Variants in LHFPL1 observed in about 807,000 individuals in gnomAD.
The protein encoded by LHFPL1 is LHFPL tetraspan subfamily member 1 protein.
LHFPL1 carries 4 observed loss-of-function variants against 12.1 expected under a neutral mutation model. The ratio of observed to expected loss-of-function variants is 0.33; its 90% confidence interval spans 0.16 to 0.76. LHFPL1 has a LOEUF of 0.76. Ranked by LOEUF, LHFPL1 falls within the 30% of genes least tolerant of loss-of-function variation. LHFPL1 has a pLI of 0.61. For synonymous variants in LHFPL1, 52 were observed against 61.9 expected, an observed-to-expected ratio of 0.84 and a Z score of 0.75; for missense variants, 141 against 174.1, an observed-to-expected ratio of 0.81 and a Z score of 1.07.
intron 2 of LHFPL1, among the ~76,000 whole-genome samples, chrX:112,670,289 A>G (rs762792590): frequency 2.7e-5 from 3 of 112,658 alleles, no homozygotes; most frequent in Non-Finnish European, 5.6e-5. Flanking sequence ...TTCAAATTAT[A>G]CAGCTGTCAC....
chrX:112,666,199 T>G (rs1931327979), intron 2 of LHFPL1, among the ~76,000 whole-genome samples: 1 of 111,979 alleles, frequency 8.9e-6, no homozygotes, highest in Non-Finnish European at 1.9e-5. Flanking sequence ...GTTAATTTGT[T>G]ATTATAACAA....
intron 1 of LHFPL1, among the ~76,000 whole-genome samples, chrX:112,677,064 C>A (rs1389336700): frequency 1.8e-5 from 2 of 111,641 alleles, no homozygotes; most frequent in Non-Finnish European, 3.8e-5. Flanking sequence ...TGGGCACTTA[C>A]AATGAAGTAT....
At chrX:112,676,909 C>T (rs1912993213) in intron 1 of LHFPL1, among the ~76,000 whole-genome samples, 1 of 111,999 alleles carries the variant, frequency 8.9e-6, no homozygotes, top group Admixed American at 9.4e-5. Context: ...CAAATGAGAG[C>T]CCTTCATCAA....
chrX:112,644,737 C>T (rs1046775452), intron 3 of LHFPL1, among the ~76,000 whole-genome samples: 12 of 111,979 alleles, frequency 1.1e-4, no homozygotes, highest in African/African-American at 3.6e-4. Context: ...CCCTGATACC[C>T]TGGCCATGGT....
chrX:112,666,389 A>T (rs1931334595), intron 2 of LHFPL1, among the ~76,000 whole-genome samples: 1 of 111,337 alleles, frequency 9.0e-6, no homozygotes, highest in South Asian at 3.8e-4. Context: ...TCAAAAGTAG[A>T]TCAGGGAAGG....
intron 1 of LHFPL1, among the ~76,000 whole-genome samples, chrX:112,678,634 T>G (rs929861704): frequency 9.4e-6 from 1 of 106,838 alleles, no homozygotes; most frequent in Non-Finnish European, 1.9e-5. Flanking sequence ...TTCAGAGAAG[T>G]TGAGAGGCAG....
At chrX:112,663,100 C>T (rs1458888022) in intron 2 of LHFPL1, among the ~76,000 whole-genome samples, 2 of 111,337 alleles carry the variant, frequency 1.8e-5, no homozygotes, top group African/African-American at 3.3e-5. Flanking sequence ...ACCCCTGCCC[C>T]TCAGATCTTA....
rs1930177473 is a variant in LHFPL1 at position 112,631,163 on chromosome X, G to A, written c.*257C>T. 3.6e-6 allele frequency: 1 copy of A among 277,427 alleles called. No individual in the cohort carries two copies. The highest frequency in any genetic ancestry group is 2.7e-5 in the African/African-American group (1 of 37,530). The allele number at this position is 277,427 out of a possible 1,213,427, so 22.9% of individuals were successfully genotyped here. On this transcript the variant is annotated 3_prime_UTR_variant, in exon 4 of 4. Transcript: ENST00000371968. ...AGCTTTGGATCCTATTTTGCATAAA[G>A]GGGTACTTTGGGTCTTCGGGTTAGC...
At chrX:112,638,882 AG>A (rs1379544354) in intron 3 of LHFPL1, among the ~76,000 whole-genome samples, 1 of 111,191 alleles carries the variant, frequency 9.0e-6, no homozygotes, top group Non-Finnish European at 1.9e-5. Context: ...AGGGTAAGGG[AG>A]GGGTGGTTGC....
chrX:112,643,395 A>AAG (rs1325328207), intron 3 of LHFPL1, among the ~76,000 whole-genome samples: 1 of 109,156 alleles, frequency 9.2e-6, no homozygotes, highest in African/African-American at 3.3e-5. Context: ...AAAAAAAAAA[A>AAG]AAAAGAAAAA....
chrX:112,665,131 T>C (rs1272755032), intron 2 of LHFPL1, among the ~76,000 whole-genome samples: 1 of 110,090 alleles, frequency 9.1e-6, no homozygotes. Flanking sequence ...CATTGCTAAC[T>C]CCCAGTTTGA....
chrX:112,676,311 T>C (rs1165896131), intron 1 of LHFPL1, among the ~76,000 whole-genome samples: 2 of 112,087 alleles, frequency 1.8e-5, no homozygotes, highest in African/African-American at 6.5e-5. Context: ...TGTTTCCCTG[T>C]CCTGGAATAT....
intron 2 of LHFPL1, among the ~76,000 whole-genome samples, chrX:112,661,026 G>A (rs1931170366): frequency 8.9e-6 from 1 of 112,103 alleles, no homozygotes; most frequent in Admixed American, 9.5e-5. Context: ...ACAAGGCTGG[G>A]TTGGCTTTTC....
intron 2 of LHFPL1, among the ~76,000 whole-genome samples, chrX:112,668,905 G>A (rs1045033679): frequency 4.5e-5 from 5 of 112,229 alleles, no homozygotes; most frequent in African/African-American, 1.6e-4. Context: ...CTGTTGCTAG[G>A]CTTTCTGATT....
intron 3 of LHFPL1, among the ~76,000 whole-genome samples, chrX:112,634,278 G>A (rs764731667): frequency 1.8e-5 from 2 of 110,562 alleles, no homozygotes; most frequent in Non-Finnish European, 3.8e-5. Context: ...TCTCTTACAG[G>A]GCCCTTGACC....
chrX:112,640,531 C>G (rs1930472054), intron 3 of LHFPL1, among the ~76,000 whole-genome samples: 1 of 111,477 alleles, frequency 9.0e-6, no homozygotes, highest in South Asian at 3.8e-4. Context: ...GGAACCACTG[C>G]TAAAGAAGGA....
chrX:112,676,467 A>T (rs1191015411), intron 1 of LHFPL1, among the ~76,000 whole-genome samples: 2 of 111,624 alleles, frequency 1.8e-5, no homozygotes, highest in Non-Finnish European at 3.8e-5. Context: ...CAGGTTTTTA[A>T]ATCTGCTAGA....
In LHFPL1 at chrX:112,631,593, G is replaced by A. The variant is rs779039392; in HGVS notation, c.490C>T (p.Arg164Trp). The A allele has an allele frequency of 1.3e-5, 16 of 1,192,446 alleles. No homozygotes were observed. Among genetic ancestry groups the A allele is most frequent in the Admixed American group, 1.1e-4 (5 of 45,356 alleles). ...GCACAGTAATAGGCCCAGCCAAGCC[G>A]ACAGGTACCTGTGAGAACAGGGACA... is the stretch of plus-strand genomic sequence containing the variant. ...VSNQFQLGTC[R>W]LGWAYYCAGG... Residue 164 changes from arginine to tryptophan, a missense_variant, in exon 4 of 4, where the codon CGG (arginine) becomes TGG (tryptophan). Arg to Trp is a moderately radical substitution (Grantham distance 101, BLOSUM62 -3). Coordinates refer to ENST00000371968, the MANE Select transcript of LHFPL1 (RefSeq NM_178175.4).
At chrX:112,649,004 C>A (rs1162016344) in intron 3 of LHFPL1, among the ~76,000 whole-genome samples, 1 of 111,998 alleles carries the variant, frequency 8.9e-6, no homozygotes, top group Non-Finnish European at 1.9e-5. Flanking sequence ...GTGTTATTTT[C>A]TTAAGCTAAT....
Sources: gnomAD v4.1 joint callset for allele counts (sites outside exome capture counted in the v4.1 genomes callset) on GRCh38, gnomAD v4.1.1 for gene constraint, MANE v1.5 for transcripts, NCBI Gene and HGNC (gene_info 2026-07-23, HGNC 2026-07-21) for gene names.